DYNC2H1: variants seen among roughly 807,000 people sequenced by gnomAD.
The protein encoded by DYNC2H1 is dynein cytoplasmic 2 heavy chain 1.
DYNC2H1 carries 410 observed loss-of-function variants against 570.0 expected under a neutral mutation model. The ratio of observed to expected loss-of-function variants is 0.72; its 90% CI spans 0.66 to 0.78. The LOEUF (loss-of-function observed/expected upper bound fraction) is 0.78. Among genes scored for constraint, DYNC2H1 ranks in the 30% least tolerant of loss-of-function variants. The probability of loss-of-function intolerance (pLI) is 0.00; values close to 1 mark genes in which losing one functional copy is unlikely to be tolerated. For missense variants in DYNC2H1, 4,865 were observed against 5,046.4 expected, an observed-to-expected ratio of 0.96 and a Z score of 1.09; for synonymous variants, 1,688 against 1,677.6, an observed-to-expected ratio of 1.01 and a Z score of -0.15.
rs368419534 is a variant in DYNC2H1 at position 103,192,138 on chromosome 11, G to A, written c.7582G>A (p.Ala2528Thr). ...HPLDYVLEIV[A>T]YEARRLFRDK... ...ACTAGATTATGTGTTAGAAATTGTA[G>A]CATATGAGGCACGGCGCTTATTTCG... The change falls in exon 47 of 89, where the codon GCA (alanine) becomes ACA (threonine). Residue 2528 changes from alanine (A) to threonine (T), a missense_variant. Coordinates refer to ENST00000375735, the MANE Select transcript of DYNC2H1 (RefSeq NM_001377.3). 192 of 1,553,404 alleles carry A rather than the reference G, an allele frequency of 1.2e-4. No homozygotes were observed. Among genetic ancestry groups the A allele is most frequent in the Non-Finnish European group, 1.6e-4 (189 of 1,145,750 alleles).
At chr11:103,459,467 A>G (rs1944926258) in intron 87 of DYNC2H1, among the ~76,000 whole-genome samples, 2 of 152,160 alleles carry the variant, frequency 1.3e-5, no homozygotes, top group Admixed American at 6.5e-5. Flanking sequence ...AAGAGTAGTA[A>G]CAATAGCCGT....
rs1302281936 is a variant in DYNC2H1, at chr11:103,319,174, A to G, written c.11726-1855A>G. 1.3e-5 allele frequency among the ~76,000 whole-genome samples: 2 copies of G among 152,168 alleles called. No homozygotes were observed. The highest frequency in any genetic ancestry group is 4.8e-5 in the African/African-American group (2 of 41,458). Reference sequence around the variant, plus strand: ...TTCACGTTTGTGATAGAATTAATTAATAGCATTGTAAGACATAGATATATA... The same window carrying G: ...TTCACGTTTGTGATAGAATTAATTAGTAGCATTGTAAGACATAGATATATA... On this transcript the variant is annotated intron_variant, in intron 80 of 88. Coordinates refer to ENST00000375735, the MANE Select transcript of DYNC2H1 (RefSeq NM_001377.3). The surrounding 1 kb of genome is among the most constrained non-coding windows in gnomAD (Gnocchi z 4.3).
chr11:103,158,634 A>G (rs1253127299), intron 26 of DYNC2H1, 43 bp from the exon 27 acceptor site: 1 of 1,473,074 alleles, frequency 6.8e-7, no homozygotes, highest in Non-Finnish European at 9.1e-7. Flanking sequence ...TACCCCCCCA[A>G]ATTGTTAAAG....
chr11:103,419,149 T>C (rs1030386711), intron 84 of DYNC2H1, among the ~76,000 whole-genome samples: 1 of 152,114 alleles, frequency 6.6e-6, no homozygotes, highest in African/African-American at 2.4e-5. Flanking sequence ...GGAACAAGTT[T>C]CTTGGGGTAG....
chr11:103,293,432 G>A (rs1866693191), intron 75 of DYNC2H1, among the ~76,000 whole-genome samples: 1 of 152,130 alleles, frequency 6.6e-6, no homozygotes, highest in African/African-American at 2.4e-5. Flanking sequence ...GATTTTGGCT[G>A]TCTTGTACCT....
At chr11:103,221,252 A>AT (rs1175521134) in intron 57 of DYNC2H1, among the ~76,000 whole-genome samples, 1 of 152,154 alleles carries the variant, frequency 6.6e-6, no homozygotes, top group African/African-American at 2.4e-5. Flanking sequence ...ATATGAAACC[A>AT]TGCAGGTTCA....
At chr11:103,456,915 A>G (rs2135810845) in intron 87 of DYNC2H1, among the ~76,000 whole-genome samples, 1 of 152,380 alleles carries the variant, frequency 6.6e-6, no homozygotes, top group South Asian at 2.1e-4. Context: ...TAAAATGTAT[A>G]TGAAACATAA....
intron 79 of DYNC2H1, among the ~76,000 whole-genome samples, chr11:103,316,284 A>G (rs1425619880): frequency 1.3e-5 from 2 of 151,976 alleles, no homozygotes; most frequent in Non-Finnish European, 2.9e-5. Context: ...GTAGTATATC[A>G]GTTTGTTCTC....
At position 103,160,970 on chromosome 11, in the gene DYNC2H1, AT is replaced by A; in HGVS notation, c.4418del (p.Ile1473LysfsTer4). 6.4e-7 allele frequency: 1 copy of A among 1,572,912 alleles called. No individual in the cohort carries two copies. Among genetic ancestry groups the A allele is most frequent in the Non-Finnish European group, 8.6e-7 (1 of 1,162,442 alleles). ...TTGCTTTGATGAGAAATCAAAACAT[AT>A]AACTGCAATGAAATCTTTAGAGGGA... is the stretch of plus-strand genomic sequence containing the variant. ...SVCFDEKSKH[I>X]TAMKSLEGEV... is the part of the protein sequence containing the mutation. On this transcript the variant is annotated frameshift_variant, in exon 29 of 89. Transcript: ENST00000375735. LOFTEE classifies it high-confidence loss of function.
intron 82 of DYNC2H1, among the ~76,000 whole-genome samples, chr11:103,341,078 CTGTG>C (rs1939418368): frequency 6.6e-6 from 1 of 151,976 alleles, no homozygotes; most frequent in Non-Finnish European, 1.5e-5. Flanking sequence ...AGTGACAAGG[CTGTG>C]TACTTGATTA....
chr11:103,471,748 G>A (rs1481255648), intron 88 of DYNC2H1, among the ~76,000 whole-genome samples: 1 of 152,176 alleles, frequency 6.6e-6, no homozygotes, highest in African/African-American at 2.4e-5. Flanking sequence ...GGGTTACGAA[G>A]ATAAACAGAT....
Position 103,477,949 on chromosome 11 carries a change from G to A in DYNC2H1, c.12766-1146G>A, listed in dbSNP as rs185190068. ...ATCAGATTAATGACTAATTTCCAGG[G>A]CAGGAAATATAAAAGATGAACTTGT... On this transcript the variant is annotated intron_variant, in intron 88 of 88. Coordinates refer to ENST00000375735, the MANE Select transcript of DYNC2H1 (RefSeq NM_001377.3). Among the ~76,000 whole-genome samples, 147 of 151,610 alleles carry A rather than the reference G, an allele frequency of 9.7e-4. 2 individuals are homozygous for A. Among genetic ancestry groups the A allele is most frequent in the African/African-American group, 3.5e-3 (143 of 41,356 alleles).
intron 85 of DYNC2H1, among the ~76,000 whole-genome samples, chr11:103,445,834 A>G (rs952710475): frequency 1.3e-5 from 2 of 152,044 alleles, no homozygotes; most frequent in Non-Finnish European, 2.9e-5. Context: ...TTGTATTTTT[A>G]GTAGAGACGG....
chr11:103,230,522 A>C (rs934400639), intron 59 of DYNC2H1, among the ~76,000 whole-genome samples: 4 of 152,194 alleles, frequency 2.6e-5, no homozygotes, highest in African/African-American at 9.7e-5. Context: ...GGGTTTTATT[A>C]GCGGTAGTCA....
rs1020837793 is a variant in DYNC2H1, at chr11:103,479,838, G to A, written c.*585G>A. On this transcript the variant is annotated 3_prime_UTR_variant, in exon 89 of 89. Coordinates refer to ENST00000375735, the MANE Select transcript of DYNC2H1 (RefSeq NM_001377.3). The stretch of plus-strand genomic sequence containing the variant: ...ACATAATAATGGAGGATAAATTCTG[G>A]TTATTAAACATTCAGCTTTTTTGTG... 6.6e-6 allele frequency: 1 copy of A among 151,884 alleles called. No individual in the cohort carries two copies. The highest frequency in any genetic ancestry group is 2.4e-5 in the African/African-American group (1 of 41,374). The allele number at this position is 151,884 out of a possible 1,614,324, so 9.4% of individuals were successfully genotyped here.
At position 103,304,699 on chromosome 11, in the gene DYNC2H1, T is replaced by C; in HGVS notation, c.11361T>C (p.Ser3787=). 6.2e-7 allele frequency: 1 copy of C among 1,612,654 alleles called. No individual in the cohort carries two copies. The highest frequency in any genetic ancestry group is 8.5e-7 in the Non-Finnish European group (1 of 1,179,132). ...TGAAGAACTTACATCTTGTGGTATC[T>C]TGGCTGCCAGTTCTGGAAAAGGTAG... ...LCLKNLHLVV[S]WLPVLEKELN... The change falls in exon 77 of 89, where the codon TCT becomes TCC. Residue 3787 remains serine, a synonymous_variant. Transcript: ENST00000375735.
At position 103,309,563 on chromosome 11, in the gene DYNC2H1, A is replaced by C. The variant is rs1867478558; in HGVS notation, c.11493+1732A>C. On this transcript the variant is annotated intron_variant, in intron 78 of 88. Transcript: ENST00000375735. The stretch of plus-strand genomic sequence containing the variant: ...GGTGTTTGTTTCATTTAAGGAAAAA[A>C]AAAAGGGTAAGCATTAATCCAGAAA... 2.0e-5 allele frequency among the ~76,000 whole-genome samples: 3 copies of C among 151,828 alleles called. No homozygotes were observed. The South Asian group carries it at 6.2e-4, about 31-fold the overall frequency.
At chr11:103,327,060 TCCTC>T (rs1221343791) in intron 82 of DYNC2H1, among the ~76,000 whole-genome samples, 1 of 152,108 alleles carries the variant, frequency 6.6e-6, no homozygotes, top group African/African-American at 2.4e-5. Flanking sequence ...ACTCATCACT[TCCTC>T]AGGAGTTGCT....
At position 103,468,687 on chromosome 11, in the gene DYNC2H1, T is replaced by C. The variant is rs1288492686; in HGVS notation, c.12747T>C (p.Phe4249=). Residue 4249 remains phenylalanine, a synonymous_variant, in exon 88 of 89, where the codon TTT becomes TTC. Transcript: ENST00000375735. Reference sequence around the variant, plus strand: ...GCGTGTCATCAGTGCTCCCTTGTTTTATGGGCTGGATTCCACAGGTAATAC... The same window carrying C: ...GCGTGTCATCAGTGCTCCCTTGTTTCATGGGCTGGATTCCACAGGTAATAC... ...SPSVSSVLPC[F]MGWIPQDACG... The C allele has an allele frequency of 1.9e-6, 3 of 1,612,840 alleles. No individual in the cohort carries two copies. Among genetic ancestry groups the C allele is most frequent in the Non-Finnish European group, 2.5e-6 (3 of 1,179,228 alleles).
Sources: allele counts gnomAD v4.1 joint callset (sites outside exome capture counted in the v4.1 genomes callset), GRCh38; gene constraint gnomAD v4.1.1; non-coding constraint Gnocchi (gnomAD v3.1); transcripts MANE v1.5; gene names NCBI Gene and HGNC (gene_info 2026-07-23, HGNC 2026-07-21).